LOXHD1: variants seen among roughly 807,000 people sequenced by gnomAD.
LOXHD1 encodes the protein lipoxygenase homology domain-containing protein 1.
Under a neutral mutation model 248.2 loss-of-function variants are expected in LOXHD1, and 205 were observed. The observed-to-expected ratio is 0.83, with a 90% CI of 0.74 to 0.93. The LOEUF (loss-of-function observed/expected upper bound fraction) is 0.93. LOXHD1 is among the 40% of genes least tolerant of loss of function. LOXHD1 has a pLI of 0.00. For synonymous variants in LOXHD1, 1,113 were observed against 1,162.8 expected, an observed-to-expected ratio of 0.96 and a Z score of 0.87; for missense variants, 2,930 against 2,971.6, an observed-to-expected ratio of 0.99 and a Z score of 0.33.
At chr18:46,545,627 CTTTTT>C (rs56323729) in intron 22 of LOXHD1, among the ~76,000 whole-genome samples, 42 of 92,234 alleles carry the variant, frequency 4.6e-4, no homozygotes, top group Non-Finnish European at 5.3e-4. Context: ...TTGGCCATTT[CTTTTT>C]TTTTTTTTTT....
At chr18:46,585,758 GAGA>G (rs1441315765) in intron 12 of LOXHD1, among the ~76,000 whole-genome samples, 2 of 152,110 alleles carry the variant, frequency 1.3e-5, no homozygotes, top group Non-Finnish European at 2.9e-5. Flanking sequence ...AATAATCAAG[GAGA>G]AGAACAAGTG....
intron 37 of LOXHD1, among the ~76,000 whole-genome samples, chr18:46,499,870 T>G (rs1424291357): frequency 6.6e-6 from 1 of 152,230 alleles, no homozygotes; most frequent in Non-Finnish European, 1.5e-5. Context: ...TTAAATATTT[T>G]GAATTTCTTT....
intron 11 of LOXHD1, 97 bp from the exon 12 acceptor site, chr18:46,592,165 G>C: frequency 2.0e-6 from 3 of 1,464,710 alleles, no homozygotes; most frequent in Non-Finnish European, 2.8e-6. Context: ...GAGAAGCCAA[G>C]GCTATTTCCT....
chr18:46,620,954 A>G (rs527971902), intron 4 of LOXHD1, among the ~76,000 whole-genome samples: 2 of 152,274 alleles, frequency 1.3e-5, no homozygotes, highest in African/African-American at 2.4e-5. Context: ...CACGAGCCCA[A>G]AGTGAGGCAA....
intron 37 of LOXHD1, among the ~76,000 whole-genome samples, chr18:46,489,522 C>G (rs1431883809): frequency 6.6e-6 from 1 of 152,198 alleles, no homozygotes; most frequent in Non-Finnish European, 1.5e-5. Flanking sequence ...CTTTCTGGAG[C>G]TCACCAAGAT....
intron 34 of LOXHD1, among the ~76,000 whole-genome samples, chr18:46,510,814 G>C (rs766813143): frequency 2.6e-5 from 4 of 152,154 alleles, no homozygotes; most frequent in Admixed American, 6.6e-5. Context: ...ATTATTAGAA[G>C]TAAAAAAGTT....
At position 46,477,630 on chromosome 18, in the gene LOXHD1, C is replaced by T. The variant is rs982649001; in HGVS notation, c.6664G>A (p.Glu2222Lys). Residue 2222 changes from glutamate to lysine, a missense_variant, in exon 41 of 41, where the codon GAG becomes AAG. Transcript: ENST00000642948. ...ELGELRKVRL[E>K]HDSSGYCSGW... is the part of the protein sequence containing the mutation. Reference sequence around the variant, plus strand: ...GAGCAGTAGCCACTGCTGTCGTGCTCCAGGCGCACCTTGCGCAGCTCACCC... The same window carrying T: ...GAGCAGTAGCCACTGCTGTCGTGCTTCAGGCGCACCTTGCGCAGCTCACCC... The T allele has an allele frequency of 1.5e-5, 24 of 1,551,670 alleles. No homozygotes were observed. The highest frequency in any genetic ancestry group is 1.8e-5 in the Non-Finnish European group (21 of 1,147,036).
intron 29 of LOXHD1, among the ~76,000 whole-genome samples, chr18:46,527,906 T>C (rs1319679211): frequency 6.6e-6 from 1 of 152,208 alleles, no homozygotes; most frequent in African/African-American, 2.4e-5. Context: ...AAATGGTTTC[T>C]ATCTGGTTGG....
chr18:46,593,874 C>T, intron 9 of LOXHD1, 114 bp from the exon 10 acceptor site: 1 of 1,072,916 alleles, frequency 9.3e-7, no homozygotes, highest in Non-Finnish European at 1.3e-6. Context: ...GGGGTATACA[C>T]AGGTGTGTCC....
chr18:46,509,930 C>A (rs370525297), intron 34 of LOXHD1, 115 bp from the exon 35 acceptor site: 1 of 736,732 alleles, frequency 1.4e-6, no homozygotes, highest in Admixed American at 2.0e-5. Context: ...CTTTACTCAG[C>A]AGCCCCTCTG....
intron 37 of LOXHD1, among the ~76,000 whole-genome samples, chr18:46,494,849 C>CTTTTTTTTTTTTTTTTTTTT (rs58016824): frequency 4.1e-5 from 4 of 96,554 alleles, no homozygotes; most frequent in Non-Finnish European, 8.2e-5. Context: ...TTCTCTCTCT[C>CTTTTTTTTTTTTTTTTTTTT]TTTTTTTTTT....
chr18:46,604,615 C>A (rs747320715), intron 6 of LOXHD1, among the ~76,000 whole-genome samples: 1 of 152,186 alleles, frequency 6.6e-6, no homozygotes, highest in Non-Finnish European at 1.5e-5. Context: ...GGGATTCTGA[C>A]CTTATTGGTG....
chr18:46,575,134 C>T (rs1048297633), intron 14 of LOXHD1, among the ~76,000 whole-genome samples: 4 of 152,224 alleles, frequency 2.6e-5, no homozygotes, highest in African/African-American at 9.6e-5. Context: ...AGTCCAACCT[C>T]GTCCCCACCC....
At chr18:46,577,994 A>C in intron 13 of LOXHD1, 127 bp from the exon 14 acceptor site, 1 of 919,712 alleles carries the variant, frequency 1.1e-6, no homozygotes, top group Non-Finnish European at 1.7e-6. Flanking sequence ...TCTTTCACAC[A>C]TGGGACAGGA....
chr18:46,583,193 A>C (rs2037995156), intron 12 of LOXHD1, among the ~76,000 whole-genome samples: 1 of 152,240 alleles, frequency 6.6e-6, no homozygotes, highest in Non-Finnish European at 1.5e-5. Flanking sequence ...TAGACATATA[A>C]AAAGTGAAAA....
chr18:46,493,876 T>G (rs1024857821), intron 37 of LOXHD1, among the ~76,000 whole-genome samples: 2 of 152,210 alleles, frequency 1.3e-5, no homozygotes, highest in South Asian at 2.1e-4. Context: ...TTTAGGGCCT[T>G]CTTCAGCCTG....
At chr18:46,501,988 C>T (rs1016217148) in intron 37 of LOXHD1, among the ~76,000 whole-genome samples, 72 of 152,306 alleles carry the variant, frequency 4.7e-4, no homozygotes, top group African/African-American at 1.6e-3. Flanking sequence ...CTTTCTTTCT[C>T]CCTGTTACAT....
chr18:46,477,792 C>A lies in LOXHD1; in HGVS notation c.6502G>T (p.Ala2168Ser). The A allele has an allele frequency of 1.3e-6, 2 of 1,551,874 alleles. No homozygotes were observed. Among genetic ancestry groups the A allele is most frequent in the Non-Finnish European group, 1.7e-6 (2 of 1,147,036 alleles). ...VIVTTGYEPGAGTDANVFVTI... is the reference protein window; with the variant it reads ...VIVTTGYEPGSGTDANVFVTI... ...ACGAAGACGTTGGCATCAGTGCCTG[C>A]CCCTGGCTCATAGCCTGTTGTCACG... is the stretch of plus-strand genomic sequence containing the variant. The change falls in exon 41 of 41, where the codon GCA becomes TCA. Residue 2168 changes from alanine to serine, a missense_variant. Coordinates refer to ENST00000642948, the MANE Select transcript of LOXHD1 (RefSeq NM_001384474.1).
Position 46,485,123 on chromosome 18 carries a change from G to GGTT in LOXHD1, c.6077_6078insAAC (p.Asn2026delinsLysThr). ...AGACGTTCTCCCTGGTTTCGCCTCCGTTGCCCGTTTCTATGACGATCTCGT... is the reference window on the plus strand; with the variant it reads ...AGACGTTCTCCCTGGTTTCGCCTCCGGTTTTGCCCGTTTCTATGACGATCTCGT... On this transcript the variant is annotated protein_altering_variant, in exon 39 of 41. Coordinates refer to ENST00000642948, the MANE Select transcript of LOXHD1 (RefSeq NM_001384474.1). 1 of 1,548,980 alleles carries GGTT rather than the reference G, an allele frequency of 6.5e-7. No homozygotes were observed. Among genetic ancestry groups the GGTT allele is most frequent in the Non-Finnish European group, 8.7e-7 (1 of 1,146,214 alleles).
Sources: gnomAD v4.1 joint callset for allele counts (sites outside exome capture counted in the v4.1 genomes callset) on GRCh38, gnomAD v4.1.1 for gene constraint, MANE v1.5 for transcripts, NCBI Gene and HGNC (gene_info 2026-07-23, HGNC 2026-07-21) for gene names.